The following EXOC6B variants were observed in gnomAD, a reference collection of about 807,000 sequenced individuals.
EXOC6B encodes SEC15 homolog B.
In EXOC6B, 54 loss-of-function variants were observed where a neutral mutation model predicts 113.5. The observed-to-expected ratio is 0.48, with a 90% CI of 0.38 to 0.60. The LOEUF is 0.60. Ranked by LOEUF, EXOC6B falls within the 20% of genes least tolerant of loss-of-function variation. EXOC6B has a pLI of 0.00. For synonymous variants in EXOC6B, 357 were observed against 339.0 expected, an observed-to-expected ratio of 1.05 and a Z score of -0.58; for missense variants, 797 against 977.5, an observed-to-expected ratio of 0.82 and a Z score of 2.46.
chr2:72,260,625 G>A (rs962875761), intron 20 of EXOC6B, among the ~76,000 whole-genome samples: 1 of 152,158 alleles, frequency 6.6e-6, no homozygotes, highest in African/African-American at 2.4e-5. Context: ...TCCGGCAAGG[G>A]GAGTGGGGGA....
chr2:72,215,966 T>C (rs564971175), intron 20 of EXOC6B, among the ~76,000 whole-genome samples: 1 of 151,774 alleles, frequency 6.6e-6, no homozygotes, highest in East Asian at 2.0e-4. Flanking sequence ...CCAGTGCAGC[T>C]GTGGTGAATG....
At chr2:72,367,129 A>G (rs751129381) in intron 19 of EXOC6B, among the ~76,000 whole-genome samples, 1 of 152,170 alleles carries the variant, frequency 6.6e-6, no homozygotes, top group Non-Finnish European at 1.5e-5. Context: ...AGTAATATGT[A>G]TAACAACAAT....
At chr2:72,684,652 CAT>C (rs1315189398) in intron 6 of EXOC6B, among the ~76,000 whole-genome samples, 1 of 152,092 alleles carries the variant, frequency 6.6e-6, no homozygotes, top group Non-Finnish European at 1.5e-5. Context: ...ACTACTGAAA[CAT>C]GTAACAACAT....
intron 18 of EXOC6B, among the ~76,000 whole-genome samples, chr2:72,446,116 C>G (rs1696559717): frequency 6.6e-6 from 1 of 152,088 alleles, no homozygotes. Context: ...GCAGAACTAC[C>G]ATTTGATCCA....
Position 72,463,156 on chromosome 2 carries a change from C to G in EXOC6B, c.1980+2004G>C, listed in dbSNP as rs374283343. On this transcript the variant is annotated intron_variant, in intron 18 of 21. Coordinates refer to ENST00000272427, the MANE Select transcript of EXOC6B (RefSeq NM_015189.3). ...AATCCTACACACTAGTACAAAATTACTTTCTTAAAACACTGGGAATTGACT... is the reference window on the plus strand; with the variant it reads ...AATCCTACACACTAGTACAAAATTAGTTTCTTAAAACACTGGGAATTGACT... The G allele has an allele frequency of 5.3e-5, 8 of 152,186 alleles. No individual in the cohort carries two copies. The South Asian group carries it at 1.2e-3, about 24-fold the overall frequency. The allele number at this position is 152,186 out of a possible 1,614,324, so 9.4% of individuals were successfully genotyped here.
At chr2:72,649,314 A>G (rs1673987461) in intron 6 of EXOC6B, among the ~76,000 whole-genome samples, 1 of 152,206 alleles carries the variant, frequency 6.6e-6, no homozygotes, top group Admixed American at 6.5e-5. Context: ...AGTATAGTAA[A>G]TAACAATCAA....
chr2:72,606,149 G>A (rs1670739020), intron 6 of EXOC6B, among the ~76,000 whole-genome samples: 1 of 151,990 alleles, frequency 6.6e-6, no homozygotes, highest in African/African-American at 2.4e-5. Context: ...TAGGCCAATA[G>A]GAATTAGTCT....
intron 18 of EXOC6B, among the ~76,000 whole-genome samples, chr2:72,401,561 A>ATG: frequency 2.8e-5 from 1 of 35,424 alleles, no homozygotes; most frequent in Admixed American, 4.6e-4. Context: ...ATATATATAT[A>ATG]TATACATATA....
intron 6 of EXOC6B, among the ~76,000 whole-genome samples, chr2:72,594,814 C>A (rs1302999989): frequency 6.6e-6 from 1 of 151,884 alleles, no homozygotes; most frequent in African/African-American, 2.4e-5. Flanking sequence ...AATTTAAAAC[C>A]AAAGTTTTCC....
chr2:72,185,011 G>A (rs946490784), intron 20 of EXOC6B, among the ~76,000 whole-genome samples: 1 of 152,216 alleles, frequency 6.6e-6, no homozygotes, highest in African/African-American at 2.4e-5. Flanking sequence ...TTGACTGAGA[G>A]AAACTAAACT....
At chr2:72,217,659 A>T (rs1680623105) in intron 20 of EXOC6B, among the ~76,000 whole-genome samples, 1 of 152,168 alleles carries the variant, frequency 6.6e-6, no homozygotes, top group Non-Finnish European at 1.5e-5. Flanking sequence ...CAGACACAAG[A>T]GTGGAGGTCA....
chr2:72,735,098 A>G (rs1030269154), intron 2 of EXOC6B, among the ~76,000 whole-genome samples: 6 of 152,190 alleles, frequency 3.9e-5, no homozygotes, highest in African/African-American at 1.4e-4. Context: ...CTTGGGTGAT[A>G]ATGCTATCCC....
chr2:72,818,828 A>T (rs546100072), intron 1 of EXOC6B, among the ~76,000 whole-genome samples: 10 of 152,186 alleles, frequency 6.6e-5, no homozygotes, highest in African/African-American at 2.4e-4. Context: ...CTTTGTATGG[A>T]AGGTATTTCC....
intron 6 of EXOC6B, among the ~76,000 whole-genome samples, chr2:72,613,329 T>A (rs1024038022): frequency 7.2e-5 from 11 of 152,050 alleles, no homozygotes; most frequent in African/African-American, 2.7e-4. Flanking sequence ...TTTAAGCCTA[T>A]AGTCAGTTAT....
intron 20 of EXOC6B, among the ~76,000 whole-genome samples, chr2:72,312,705 C>T (rs1475946549): frequency 6.7e-6 from 1 of 150,340 alleles, no homozygotes; most frequent in African/African-American, 2.4e-5. Context: ...CAGTGAGCTG[C>T]GATCGCGCCA....
intron 8 of EXOC6B, among the ~76,000 whole-genome samples, chr2:72,534,969 C>T (rs887273876): frequency 2.0e-5 from 3 of 152,126 alleles, no homozygotes; most frequent in Admixed American, 6.5e-5. Context: ...ACTTTTAAGA[C>T]TAAGTCACAC....
chr2:72,448,984 G>A (rs906601427), intron 18 of EXOC6B, among the ~76,000 whole-genome samples: 1 of 152,062 alleles, frequency 6.6e-6, no homozygotes, highest in South Asian at 2.1e-4. Context: ...AATTCATAGC[G>A]CCAGACTGTG....
chr2:72,434,702 T>C lies in EXOC6B; in HGVS notation c.1980+30458A>G, dbSNP rs190242621. Among the ~76,000 whole-genome samples, 963 of 152,334 alleles carry C rather than the reference T, an allele frequency of 6.3e-3. 5 individuals carry two copies. The highest frequency in any genetic ancestry group is 0.011 in the Non-Finnish European group (718 of 68,038). On this transcript the variant is annotated intron_variant, in intron 18 of 21. Coordinates refer to ENST00000272427, the MANE Select transcript of EXOC6B (RefSeq NM_015189.3). Reference sequence around the variant, plus strand: ...TCTAGTTTATTTGCGTAGAGGTGTTTATAGTATTCCCTGATGGTAGTTTGT... The same window carrying C: ...TCTAGTTTATTTGCGTAGAGGTGTTCATAGTATTCCCTGATGGTAGTTTGT...
chr2:72,792,956 T>C (rs1047384663), intron 1 of EXOC6B, among the ~76,000 whole-genome samples: 3 of 152,212 alleles, frequency 2.0e-5, no homozygotes, highest in Non-Finnish European at 2.9e-5. Context: ...CATTCTTTTA[T>C]GTTCTGTTTA....
Sources: gnomAD v4.1 joint callset for allele counts (sites outside exome capture counted in the v4.1 genomes callset) on GRCh38, gnomAD v4.1.1 for gene constraint, MANE v1.5 for transcripts, NCBI Gene and HGNC (gene_info 2026-07-23, HGNC 2026-07-21) for gene names.